SLC24A2: variants seen among roughly 807,000 people sequenced by gnomAD.
The protein encoded by SLC24A2 is sodium/potassium/calcium exchanger 2.
SLC24A2 carries 36 observed loss-of-function variants against 62.0 expected under a neutral mutation model. That is an observed-to-expected ratio of 0.58 (90% confidence interval 0.44 to 0.77). The LOEUF (loss-of-function observed/expected upper bound fraction) is 0.77, where lower values mean the gene tolerates loss of function less well. SLC24A2 is among the 30% of genes least tolerant of loss of function. The pLI is 0.00. For synonymous variants in SLC24A2, 358 were observed against 294.0 expected, an observed-to-expected ratio of 1.22 and a Z score of -2.23; for missense variants, 846 against 817.9, an observed-to-expected ratio of 1.03 and a Z score of -0.42.
the SLC24A2 span, among the ~76,000 whole-genome samples, chr9:19,964,347 T>C: frequency 6.6e-6 from 1 of 151,992 alleles, no homozygotes; most frequent in African/African-American, 2.4e-5. Flanking sequence ...TGTGCACATG[T>C]ACCCTAAAAC....
the SLC24A2 span, among the ~76,000 whole-genome samples, chr9:19,894,824 A>G: frequency 1.3e-5 from 2 of 152,308 alleles, no homozygotes; most frequent in African/African-American, 4.8e-5. Flanking sequence ...ATGGACTTCC[A>G]TAATACTCTT....
chr9:19,606,643 AAC>A (rs530164924), intron 4 of SLC24A2, among the ~76,000 whole-genome samples: 6 of 151,966 alleles, frequency 3.9e-5, no homozygotes, highest in East Asian at 1.9e-4. Flanking sequence ...AATATATGAG[AAC>A]ACACACACAC....
At chr9:20,247,777 C>T in the SLC24A2 span, among the ~76,000 whole-genome samples, 4 of 152,168 alleles carry the variant, frequency 2.6e-5, no homozygotes, top group Non-Finnish European at 5.9e-5. Flanking sequence ...TCACAAAGAA[C>T]CAACAGGCCA....
At chr9:20,005,737 T>C in the SLC24A2 span, among the ~76,000 whole-genome samples, 115,149 of 151,178 alleles carry the variant, frequency 0.76, 43,921 homozygotes, top group Admixed American at 0.78. Context: ...ACATTGTTTG[T>C]AGAACATGAA....
chr9:19,663,117 T>C (rs1349573611), intron 2 of SLC24A2, among the ~76,000 whole-genome samples: 2 of 152,114 alleles, frequency 1.3e-5, no homozygotes, highest in Non-Finnish European at 2.9e-5. Context: ...TTTCCTGGAA[T>C]AGGAAAGGGA....
At chr9:20,206,004 A>C in the SLC24A2 span, among the ~76,000 whole-genome samples, 65 of 152,320 alleles carry the variant, frequency 4.3e-4, no homozygotes, top group African/African-American at 1.4e-3. Context: ...CACTCGGTGA[A>C]CCAATGTTTT....
chr9:20,282,503 CA>C, the SLC24A2 span, among the ~76,000 whole-genome samples: 2 of 152,084 alleles, frequency 1.3e-5, no homozygotes, highest in Admixed American at 1.3e-4. Flanking sequence ...ATCTGAAATC[CA>C]AGAGATTAAT....
the SLC24A2 span, among the ~76,000 whole-genome samples, chr9:20,234,132 C>T: frequency 3.3e-5 from 5 of 152,150 alleles, no homozygotes; most frequent in Admixed American, 6.5e-5. Flanking sequence ...GCGGGTAACC[C>T]GACCTTTCTC....
At chr9:20,150,152 A>T in the SLC24A2 span, among the ~76,000 whole-genome samples, 7 of 152,184 alleles carry the variant, frequency 4.6e-5, no homozygotes, top group South Asian at 1.5e-3. Context: ...CCTGCAGGTC[A>T]TATAGCTTGA....
intron 2 of SLC24A2, among the ~76,000 whole-genome samples, chr9:19,637,034 T>C (rs1367305042): frequency 6.6e-6 from 1 of 152,178 alleles, no homozygotes; most frequent in Non-Finnish European, 1.5e-5. Flanking sequence ...GGTATGTATC[T>C]TGAAAGCCTA....
the SLC24A2 span, among the ~76,000 whole-genome samples, chr9:20,063,604 G>A: frequency 3.3e-5 from 5 of 151,804 alleles, no homozygotes; most frequent in African/African-American, 1.2e-4. Flanking sequence ...TAACTAACCT[G>A]CACATTGTGC....
chr9:20,222,898 A>C, the SLC24A2 span, among the ~76,000 whole-genome samples: 844 of 152,236 alleles, frequency 5.5e-3, 18 homozygotes, highest in East Asian at 0.046. Flanking sequence ...GCTTCGCTTT[A>C]ATACGGTAAT....
intron 2 of SLC24A2, among the ~76,000 whole-genome samples, chr9:19,678,426 C>A (rs190870864): frequency 5.4e-4 from 83 of 152,348 alleles, no homozygotes; most frequent in Non-Finnish European, 1.0e-3. Context: ...CCAACCTGGG[C>A]AAACCCATGA....
chr9:19,726,131 C>A (rs1353288517), intron 2 of SLC24A2, among the ~76,000 whole-genome samples: 2 of 152,212 alleles, frequency 1.3e-5, no homozygotes, highest in African/African-American at 2.4e-5. Flanking sequence ...ATCAAGATTT[C>A]TGCCTGCAGC....
At chr9:19,604,362 A>G (rs1481736033) in intron 4 of SLC24A2, among the ~76,000 whole-genome samples, 1 of 152,208 alleles carries the variant, frequency 6.6e-6, no homozygotes. Context: ...CACAAAAGAC[A>G]AAACAGCAGC....
chr9:20,251,261 G>A, the SLC24A2 span, among the ~76,000 whole-genome samples: 4 of 152,034 alleles, frequency 2.6e-5, no homozygotes, highest in Non-Finnish European at 5.9e-5. Context: ...TCTCAGCAAG[G>A]TCCCCCAGGT....
intron 2 of SLC24A2, among the ~76,000 whole-genome samples, chr9:19,669,322 G>A (rs1348468880): frequency 4.6e-5 from 7 of 152,128 alleles, no homozygotes; most frequent in Admixed American, 3.9e-4. Flanking sequence ...GTTATGGGGA[G>A]AAGTGCTGGC....
the SLC24A2 span, among the ~76,000 whole-genome samples, chr9:19,944,428 A>G: frequency 2.6e-5 from 4 of 151,164 alleles, no homozygotes; most frequent in Non-Finnish European, 4.4e-5. Context: ...TGAATCTAGA[A>G]TAAAAGTAGT....
At chr9:20,244,306 A>T in the SLC24A2 span, among the ~76,000 whole-genome samples, 1 of 152,250 alleles carries the variant, frequency 6.6e-6, no homozygotes, top group South Asian at 2.1e-4. Context: ...GAAAGCGAGA[A>T]CAAGTGAAAA....
Sources: gnomAD v4.1 joint callset for allele counts (sites outside exome capture counted in the v4.1 genomes callset) on GRCh38, gnomAD v4.1.1 for gene constraint, MANE v1.5 for transcripts, NCBI Gene and HGNC (gene_info 2026-07-23, HGNC 2026-07-21) for gene names.